Variants in LINGO2 observed in about 807,000 individuals in gnomAD.
LINGO2 encodes leucine-rich repeat and immunoglobulin-like domain-containing nogo receptor-interacting protein 2.
A neutral mutation model predicts 30.6 loss-of-function variants in LINGO2; 14 were observed. The ratio of observed to expected loss-of-function variants is 0.46; its 90% CI spans 0.30 to 0.72. LINGO2 has a LOEUF of 0.72. Among genes scored for constraint, LINGO2 ranks in the 30% least tolerant of loss-of-function variants. The pLI, the probability that LINGO2 is intolerant of heterozygous loss-of-function variation, is 0.07. For missense variants in LINGO2, 729 were observed against 751.7 expected (o/e 0.97, Z 0.35); for synonymous variants, 317 against 288.5 (o/e 1.10, Z -1.00).
At chr9:28,946,425 C>T in the LINGO2 span, among the ~76,000 whole-genome samples, 3 of 152,064 alleles carry the variant, frequency 2.0e-5, no homozygotes, top group Non-Finnish European at 4.4e-5. Flanking sequence ...AGCAATATAG[C>T]ATAGGAGGGA....
intron 1 of LINGO2, among the ~76,000 whole-genome samples, chr9:28,614,765 A>G (rs1304788631): frequency 6.6e-6 from 1 of 152,132 alleles, no homozygotes; most frequent in Non-Finnish European, 1.5e-5. Context: ...AATGGGAATG[A>G]CCTGCTTCTC....
chr9:29,057,733 T>C, the LINGO2 span, among the ~76,000 whole-genome samples: 3 of 152,098 alleles, frequency 2.0e-5, no homozygotes, highest in African/African-American at 2.4e-5. Context: ...TCGGGCCAGA[T>C]ACCATGGCTT....
intron 1 of LINGO2, among the ~76,000 whole-genome samples, chr9:28,615,635 A>C (rs1260280132): frequency 6.6e-6 from 1 of 152,224 alleles, no homozygotes; most frequent in African/African-American, 2.4e-5. Context: ...TAAAATACAT[A>C]TGAATGGCAA....
chr9:28,353,378 T>C (rs1819999383), intron 3 of LINGO2, among the ~76,000 whole-genome samples: 1 of 150,616 alleles, frequency 6.6e-6, no homozygotes, highest in Admixed American at 6.6e-5. Flanking sequence ...AAGACATTTA[T>C]GCAGCCAAAA....
chr9:28,081,153 C>A (rs1207255927), intron 4 of LINGO2, among the ~76,000 whole-genome samples: 1 of 152,068 alleles, frequency 6.6e-6, no homozygotes, highest in Admixed American at 6.6e-5. Flanking sequence ...GTTGAATATT[C>A]AGCAGTATCC....
At chr9:29,118,826 G>A in the LINGO2 span, among the ~76,000 whole-genome samples, 3 of 152,198 alleles carry the variant, frequency 2.0e-5, no homozygotes, top group South Asian at 2.1e-4. Flanking sequence ...CCGGGCCCAC[G>A]CTATCCAGAC....
chr9:29,098,603 T>C, the LINGO2 span, among the ~76,000 whole-genome samples: 1 of 152,108 alleles, frequency 6.6e-6, no homozygotes, highest in Non-Finnish European at 1.5e-5. Context: ...ACTAGAAGGC[T>C]ATTGTGGATG....
At chr9:28,882,004 G>A in the LINGO2 span, among the ~76,000 whole-genome samples, 1 of 152,118 alleles carries the variant, frequency 6.6e-6, no homozygotes, top group South Asian at 2.1e-4. Context: ...TAATCTACCT[G>A]TACAGCATTT....
the LINGO2 span, among the ~76,000 whole-genome samples, chr9:29,116,521 A>G: frequency 2.0e-5 from 3 of 152,118 alleles, no homozygotes; most frequent in African/African-American, 7.2e-5. Context: ...CATTCACTGC[A>G]AGGGCTGAGA....
intron 4 of LINGO2, among the ~76,000 whole-genome samples, chr9:28,072,377 G>T (rs1825505254): frequency 6.6e-6 from 1 of 152,292 alleles, no homozygotes; most frequent in Non-Finnish European, 1.5e-5. Flanking sequence ...GCTCTTGTTT[G>T]TCTCAGAACA....
the LINGO2 span, among the ~76,000 whole-genome samples, chr9:28,861,263 A>AAATATATAATATTTATATATTATATAT: frequency 8.2e-6 from 1 of 121,872 alleles, no homozygotes; most frequent in Non-Finnish European, 1.6e-5. Flanking sequence ...ATATTATATA[A>AAATATATAATATTTATATATTATATAT]AATATATAAT....
At chr9:28,728,396 G>A in the LINGO2 span, among the ~76,000 whole-genome samples, 1 of 150,374 alleles carries the variant, frequency 6.7e-6, no homozygotes, top group East Asian at 1.9e-4. Context: ...AAGAAAATGA[G>A]AAAATTGCAA....
At chr9:29,207,588 T>C in the LINGO2 span, among the ~76,000 whole-genome samples, 1 of 152,214 alleles carries the variant, frequency 6.6e-6, no homozygotes, top group South Asian at 2.1e-4. Flanking sequence ...ATTCTACCTT[T>C]ATAGGCAATT....
At chr9:29,127,534 C>T in the LINGO2 span, among the ~76,000 whole-genome samples, 2 of 152,126 alleles carry the variant, frequency 1.3e-5, no homozygotes, top group Admixed American at 6.6e-5. Context: ...TTGGCCAGGG[C>T]TACTCTGCAG....
At chr9:29,191,364 T>C in the LINGO2 span, among the ~76,000 whole-genome samples, 3 of 152,164 alleles carry the variant, frequency 2.0e-5, no homozygotes, top group Non-Finnish European at 4.4e-5. Context: ...CAGTTCCAAA[T>C]AGACTTTTAA....
intron 4 of LINGO2, among the ~76,000 whole-genome samples, chr9:28,247,515 T>C (rs1822046311): frequency 6.6e-6 from 1 of 152,058 alleles, no homozygotes; most frequent in Non-Finnish European, 1.5e-5. Context: ...AACCAAACAC[T>C]GTATGTTCTC....
At chr9:28,835,683 AGCTTGCTAACATT>A in the LINGO2 span, among the ~76,000 whole-genome samples, 2 of 152,214 alleles carry the variant, frequency 1.3e-5, no homozygotes, top group African/African-American at 4.8e-5. Context: ...TTGCCTGTCC[AGCTTGCTAACATT>A]TTCTTTTTCT....
chr9:28,119,778 T>C (rs955837199), intron 4 of LINGO2, among the ~76,000 whole-genome samples: 13 of 152,176 alleles, frequency 8.5e-5, no homozygotes, highest in Admixed American at 3.9e-4. Flanking sequence ...AATCTGTCTC[T>C]AGTAAAATTT....
intron 2 of LINGO2, among the ~76,000 whole-genome samples, chr9:28,433,152 G>A (rs1823750622): frequency 6.6e-6 from 1 of 152,076 alleles, no homozygotes; most frequent in Admixed American, 6.5e-5. Context: ...AACAGTAGAT[G>A]GTTTCATGGG....
Sources: allele counts gnomAD v4.1 joint callset (sites outside exome capture counted in the v4.1 genomes callset), GRCh38; gene constraint gnomAD v4.1.1; transcripts MANE v1.5; gene names NCBI Gene and HGNC (gene_info 2026-07-23, HGNC 2026-07-21).